Variants in OPN5 observed in about 807,000 individuals in gnomAD.
OPN5 encodes opsin-5.
OPN5 carries 18 observed loss-of-function variants against 41.7 expected under a neutral mutation model. The observed-to-expected ratio is 0.43, with a 90% confidence interval of 0.30 to 0.64. OPN5 has a LOEUF of 0.64. Among genes scored for constraint, OPN5 ranks in the 30% least tolerant of loss-of-function variants. The probability of loss-of-function intolerance (pLI) is 0.13; values close to 1 mark genes in which losing one functional copy is unlikely to be tolerated. For missense variants in OPN5, 318 were observed against 434.5 expected, an observed-to-expected ratio of 0.73 and a Z score of 2.38; for synonymous variants, 178 against 164.3, an observed-to-expected ratio of 1.08 and a Z score of -0.64.
intron 6 of OPN5, among the ~76,000 whole-genome samples, chr6:47,813,110 C>CAAAAAAAAA (rs1189106345): frequency 4.3e-4 from 49 of 114,436 alleles, no homozygotes; most frequent in African/African-American, 1.4e-3. Flanking sequence ...ACAACAACAA[C>CAAAAAAAAA]AACAAGCAAC....
At chr6:47,785,020 T>C (rs1773162494) in intron 1 of OPN5, among the ~76,000 whole-genome samples, 1 of 152,202 alleles carries the variant, frequency 6.6e-6, no homozygotes. Context: ...GATAATGCTT[T>C]GGGCACTGGG....
chr6:47,810,209 G>C (rs1774136508), intron 5 of OPN5, among the ~76,000 whole-genome samples: 1 of 152,174 alleles, frequency 6.6e-6, no homozygotes, highest in Admixed American at 6.5e-5. Flanking sequence ...CAGCTTTCGG[G>C]GAAAAAGCAG....
At chr6:47,784,008 A>G (rs562506682) in intron 1 of OPN5, among the ~76,000 whole-genome samples, 2 of 152,304 alleles carry the variant, frequency 1.3e-5, no homozygotes, top group South Asian at 4.1e-4. Context: ...AAATCAGGAG[A>G]ATTTCCCACC....
exon 4 of OPN5, chr6:47,795,312 G>T: frequency 2.5e-6 from 4 of 1,614,046 alleles, no homozygotes; most frequent in Non-Finnish European, 3.4e-6. Flanking sequence ...CATGCCCTTG[G>T]TAGGTCTGGG....
At chr6:47,823,648 G>C in intron 6 of OPN5, 1 of 433,798 alleles carries the variant, frequency 2.3e-6, no homozygotes, top group Non-Finnish European at 4.1e-6. Flanking sequence ...AGGCCTTACA[G>C]GTTAGTCTTT....
downstream of OPN5, chr6:47,826,182 G>A (rs893868561): frequency 2.0e-5 from 3 of 151,974 alleles, no homozygotes; most frequent in Non-Finnish European, 4.4e-5. Context: ...TCAACCCATA[G>A]CATATTGTGG....
exon 6 of OPN5, chr6:47,811,729 G>C (rs1409669663): frequency 1.2e-6 from 2 of 1,608,370 alleles, no homozygotes; most frequent in African/African-American, 1.3e-5. Flanking sequence ...AATTCATGAA[G>C]AGGTATGAAG....
In OPN5 at chr6:47,799,303, C is replaced by G. The variant is rs538161305; in HGVS notation, c.756+3740C>G. Reference sequence around the variant, plus strand: ...TCTATGACTCAGCATAAGCTCATTTCTATGCTTGCATTTGACCTTGTAAAA... The same window carrying G: ...TCTATGACTCAGCATAAGCTCATTTGTATGCTTGCATTTGACCTTGTAAAA... On this transcript the variant is annotated intron_variant, in intron 4 of 6. Coordinates refer to ENST00000371211, the Ensembl canonical transcript of OPN5. Among the ~76,000 whole-genome samples, 3 of 152,006 alleles carry G rather than the reference C, an allele frequency of 2.0e-5. No homozygotes were observed. In the South Asian group the frequency reaches 6.2e-4, roughly 32 times the overall value.
rs200356506 is a variant in OPN5 at position 47,791,773 on chromosome 6, G to A, written c.251-29G>A. The A allele has an allele frequency of 7.1e-4, 1,142 of 1,609,188 alleles. 5 individuals are homozygous for A. The highest frequency in any genetic ancestry group is 3.5e-3 in the Middle Eastern group (21 of 6,036). On this transcript the variant is annotated intron_variant, in intron 2 of 6. Transcript: ENST00000371211. ...GTGGGGAAATAGTAACCAGAGGAAC[G>A]TCTGTTGACAAGTCACTTGGTGCTC...
chr6:47,791,420 C>T (rs1229273746), intron 2 of OPN5, among the ~76,000 whole-genome samples: 12 of 152,116 alleles, frequency 7.9e-5, no homozygotes, highest in Non-Finnish European at 1.6e-4. Context: ...TCTAAGCCTT[C>T]GAATGAAAGA....
intron 4 of OPN5, among the ~76,000 whole-genome samples, chr6:47,804,195 T>C (rs890433916): frequency 6.6e-6 from 1 of 152,268 alleles, no homozygotes; most frequent in African/African-American, 2.4e-5. Context: ...GTGATTCTTT[T>C]GTAGAAGCTA....
intron 6 of OPN5, among the ~76,000 whole-genome samples, chr6:47,812,543 T>C (rs979720644): frequency 6.6e-6 from 1 of 152,138 alleles, no homozygotes; most frequent in Non-Finnish European, 1.5e-5. Flanking sequence ...TAAAGAGATG[T>C]AGATATGAAT....
chr6:47,814,309 A>G (rs1370267068), intron 6 of OPN5, among the ~76,000 whole-genome samples: 1 of 152,082 alleles, frequency 6.6e-6, no homozygotes, highest in Non-Finnish European at 1.5e-5. Context: ...ACATTGTACA[A>G]ACGTCCCTGA....
intron 2 of OPN5, among the ~76,000 whole-genome samples, chr6:47,787,897 A>C (rs1350545983): frequency 6.6e-6 from 1 of 151,866 alleles, no homozygotes; most frequent in Non-Finnish European, 1.5e-5. Context: ...ACCTTAATTA[A>C]AAAAAAAGAG....
At chr6:47,820,474 C>T (rs941761935) in intron 6 of OPN5, among the ~76,000 whole-genome samples, 2 of 152,172 alleles carry the variant, frequency 1.3e-5, no homozygotes, top group Admixed American at 6.5e-5. Flanking sequence ...TTTAAAATCC[C>T]ACTCTAGGTC....
In OPN5 at chr6:47,795,405, A is replaced by C. The variant is rs200630121; in HGVS notation, c.598A>C (p.Ile200Leu). 1,171 of 1,614,004 alleles carry C rather than the reference A, an allele frequency of 7.3e-4. 1 individual carries two copies. The highest frequency in any genetic ancestry group is 9.2e-4 in the Non-Finnish European group (1,089 of 1,180,022). ...GGCCTCGGTAGGGGGCCAGGTTTTC[A>C]TCCTGAACATCCTCTTCTTCTGCCT... Residue 200 changes from isoleucine (I) to leucine (L), a missense_variant, in exon 4 of 7, where the codon ATC becomes CTC. Physicochemically the swap from Ile to Leu is conservative, Grantham distance 5. This residue lies in a region of OPN5 where 219 missense variants were observed against 343.4 expected (regional missense o/e 0.64). Transcript: ENST00000371211.
chr6:47,783,654 A>G lies in OPN5; in HGVS notation c.130+1458A>G, dbSNP rs1773130852. Among the ~76,000 whole-genome samples, 3 of 152,146 alleles carry G rather than the reference A, an allele frequency of 2.0e-5. No individual in the cohort carries two copies. In the South Asian group the frequency reaches 6.2e-4, roughly 32 times the overall value. On this transcript the variant is annotated intron_variant, in intron 1 of 6. Transcript: ENST00000371211. ...GAGTCCCCATCTCTTTTCAACATAA[A>G]TATATATTGAGCGCCCACTCTTTGC... is the stretch of plus-strand genomic sequence containing the variant.
chr6:47,820,795 C>T (rs7740768), intron 6 of OPN5, among the ~76,000 whole-genome samples: 4 of 152,064 alleles, frequency 2.6e-5, no homozygotes, highest in East Asian at 1.9e-4. Flanking sequence ...TGAACAATGT[C>T]GGGGTTAAGG....
chr6:47,820,961 C>A (rs140354855), intron 6 of OPN5, among the ~76,000 whole-genome samples: 4,317 of 152,136 alleles, frequency 0.028, 126 homozygotes, highest in Non-Finnish European at 0.043. Flanking sequence ...ATACTGTATT[C>A]TTATAATAAA....
Sources: gnomAD v4.1 joint callset for allele counts (sites outside exome capture counted in the v4.1 genomes callset) on GRCh38, gnomAD v4.1.1 for gene constraint, gnomAD v4.1.1 regional missense constraint, MANE v1.5 for transcripts, NCBI Gene and HGNC (gene_info 2026-07-23, HGNC 2026-07-21) for gene names.